The following HECW2 variants were observed in gnomAD, a reference collection of about 807,000 sequenced individuals.
HECW2 encodes HECT, C2 and WW domain containing E3 ubiquitin protein ligase 2.
A neutral mutation model predicts 175.2 loss-of-function variants in HECW2; 61 were observed. The observed-to-expected ratio is 0.35, with a 90% CI of 0.28 to 0.43. The LOEUF is 0.43. Among genes scored for constraint, HECW2 ranks in the 20% least tolerant of loss-of-function variants. The pLI, the probability that HECW2 is intolerant of heterozygous loss-of-function variation, is 1.00. For synonymous variants in HECW2, 671 were observed against 731.0 expected, an observed-to-expected ratio of 0.92 and a Z score of 1.32; for missense variants, 1,524 against 2,000.5, an observed-to-expected ratio of 0.76 and a Z score of 4.54.
At chr2:196,387,136 TCAGA>T (rs1173125674) in intron 2 of HECW2, among the ~76,000 whole-genome samples, 1 of 152,164 alleles carries the variant, frequency 6.6e-6, no homozygotes, top group African/African-American at 2.4e-5. Context: ...TTTCATAAGC[TCAGA>T]CAGTTAAAGC....
chr2:196,452,290 T>C (rs1205330829), intron 1 of HECW2, among the ~76,000 whole-genome samples: 2 of 152,238 alleles, frequency 1.3e-5, no homozygotes, highest in Non-Finnish European at 2.9e-5. Flanking sequence ...AGATTATAAA[T>C]GGTAGTGTTT....
At chr2:196,503,934 G>A (rs1687660096) in intron 1 of HECW2, among the ~76,000 whole-genome samples, 1 of 152,062 alleles carries the variant, frequency 6.6e-6, no homozygotes, top group Non-Finnish European at 1.5e-5. Context: ...CCAACCCAGG[G>A]ACTCCCACTG....
chr2:196,551,357 C>T (rs990204120), intron 1 of HECW2, among the ~76,000 whole-genome samples: 1 of 152,152 alleles, frequency 6.6e-6, no homozygotes, highest in Non-Finnish European at 1.5e-5. Context: ...TAAGTAAATA[C>T]TCTTTTTTGC....
At chr2:196,267,146 G>A (rs930161623) in intron 17 of HECW2, among the ~76,000 whole-genome samples, 1 of 152,200 alleles carries the variant, frequency 6.6e-6, no homozygotes, top group Non-Finnish European at 1.5e-5. Flanking sequence ...AGCTGGACTA[G>A]TAGGGAACAG....
At chr2:196,358,535 G>A (rs537354373) in intron 2 of HECW2, among the ~76,000 whole-genome samples, 6 of 125,590 alleles carry the variant, frequency 4.8e-5, no homozygotes, top group South Asian at 5.4e-4. Context: ...GCAGTGAGCC[G>A]AGATCGCGCC....
intron 1 of HECW2, among the ~76,000 whole-genome samples, chr2:196,582,069 A>AATAATAATAATAATAATAATAAT (rs1690806035): frequency 6.7e-6 from 1 of 150,262 alleles, no homozygotes. Context: ...CCATCTCGAA[A>AATAATAATAATAATAATAATAAT]AATAATAATA....
At chr2:196,453,997 T>C (rs1004426108) in intron 1 of HECW2, among the ~76,000 whole-genome samples, 3 of 152,124 alleles carry the variant, frequency 2.0e-5, no homozygotes, top group African/African-American at 4.8e-5. Context: ...GAAATACTTC[T>C]ATGGGTTTTG....
intron 1 of HECW2, chr2:196,592,451 G>C (rs1691233476): frequency 1.3e-5 from 2 of 152,222 alleles, no homozygotes; most frequent in South Asian, 4.1e-4. Context: ...GACAAGGCAT[G>C]AGAGAGTCAG....
chr2:196,534,062 T>C (rs562234520), intron 1 of HECW2, among the ~76,000 whole-genome samples: 37 of 152,322 alleles, frequency 2.4e-4, no homozygotes, highest in African/African-American at 8.7e-4. Flanking sequence ...CTGATTTCAT[T>C]TGCTTTCACT....
At chr2:196,315,530 A>C (rs1402172309) in intron 10 of HECW2, among the ~76,000 whole-genome samples, 1 of 152,182 alleles carries the variant, frequency 6.6e-6, no homozygotes, top group African/African-American at 2.4e-5. Context: ...TCTGAATAAG[A>C]GGGAACACTT....
intron 1 of HECW2, among the ~76,000 whole-genome samples, chr2:196,450,281 T>C (rs1178128762): frequency 6.6e-6 from 1 of 152,156 alleles, no homozygotes; most frequent in East Asian, 1.9e-4. Flanking sequence ...AGTTGACCGA[T>C]AAAAACACGG....
intron 1 of HECW2, among the ~76,000 whole-genome samples, chr2:196,520,141 G>A (rs1397019699): frequency 3.3e-5 from 5 of 152,092 alleles, no homozygotes; most frequent in South Asian, 2.1e-4. Flanking sequence ...ATGTACCAAC[G>A]TTGAATTCTT....
Position 196,274,123 on chromosome 2 carries a change from C to T in HECW2, c.3136G>A (p.Val1046Ile), listed in dbSNP as rs1689851017. The change falls in exon 16 of 29, where the codon GTA (valine) becomes ATA (isoleucine). Residue 1046 changes from valine to isoleucine, a missense_variant and splice_region_variant. By Grantham distance (29) the Val-to-Ile change is conservative. Around this residue, in one of 11 missense-constraint regions of HECW2, gnomAD observed 291 missense variants for 412.2 expected, o/e 0.71. Coordinates refer to ENST00000644978, the MANE Select transcript of HECW2 (RefSeq NM_001348768.2). Reference protein sequence around the residue: ...TRQRSHSAGEVGEDSRHAGPP... With the variant: ...TRQRSHSAGEIGEDSRHAGPP... ...CCTGCATGTCGAGAATCTTCTCCTA[C>T]CTGCAAACAGAAGCATCATTTATGT... 6.2e-7 allele frequency: 1 copy of T among 1,611,124 alleles called. No homozygotes were observed. Among genetic ancestry groups the T allele is most frequent in the Non-Finnish European group, 8.5e-7 (1 of 1,177,358 alleles).
chr2:196,539,359 G>A (rs988713291), intron 1 of HECW2, among the ~76,000 whole-genome samples: 2 of 152,190 alleles, frequency 1.3e-5, no homozygotes, highest in Non-Finnish European at 1.5e-5. Context: ...TAGGCCGGAC[G>A]CAGTGGCTCA....
At chr2:196,300,103 C>G (rs937717793) in intron 13 of HECW2, among the ~76,000 whole-genome samples, 3 of 152,062 alleles carry the variant, frequency 2.0e-5, no homozygotes, top group Non-Finnish European at 2.9e-5. Context: ...CCATAGTGGG[C>G]GTATTAACAC....
chr2:196,200,918 T>G lies in HECW2; in HGVS notation c.*359A>C, dbSNP rs1368759709. 1 of 167,622 alleles carries G rather than the reference T, an allele frequency of 6.0e-6. No homozygotes were observed. Among genetic ancestry groups the G allele is most frequent in the East Asian group, 1.5e-4 (1 of 6,458 alleles). 10.4% of individuals were successfully genotyped at this position (167,622 alleles called of 1,614,324 possible). A position where few individuals can be genotyped will look rare whatever the true frequency, so the allele number is the denominator to read the frequency against. ...TGGGCCAAATGCTGCCAGTTTGGCT[T>G]GAACCACGTTCAAGGGTAAGTTTCA... On this transcript the variant is annotated 3_prime_UTR_variant, in exon 29 of 29. Transcript: ENST00000644978.
At chr2:196,574,137 A>C (rs973600864) in intron 1 of HECW2, among the ~76,000 whole-genome samples, 2 of 151,474 alleles carry the variant, frequency 1.3e-5, no homozygotes, top group Non-Finnish European at 2.9e-5. Flanking sequence ...GCGACAAAAA[A>C]CAAAATACTT....
At chr2:196,569,308 C>T (rs1324196443) in intron 1 of HECW2, among the ~76,000 whole-genome samples, 3 of 151,430 alleles carry the variant, frequency 2.0e-5, no homozygotes, top group Non-Finnish European at 4.4e-5. Context: ...TGCCACTGCA[C>T]TCCAGCCTGG....
chr2:196,494,129 G>A (rs564300013), intron 1 of HECW2, among the ~76,000 whole-genome samples: 2 of 152,178 alleles, frequency 1.3e-5, no homozygotes, highest in East Asian at 1.9e-4. Context: ...CCGAGCATAG[G>A]GGAATGAAAG....
Sources: gnomAD v4.1 joint callset for allele counts (sites outside exome capture counted in the v4.1 genomes callset) on GRCh38, gnomAD v4.1.1 for gene constraint, gnomAD v4.1.1 regional missense constraint, MANE v1.5 for transcripts, NCBI Gene and HGNC (gene_info 2026-07-23, HGNC 2026-07-21) for gene names.